CACHD1: variants seen among roughly 807,000 people sequenced by gnomAD.
CACHD1 encodes the protein VWFA and cache domain-containing protein 1.
A neutral mutation model predicts 138.7 loss-of-function variants in CACHD1; 71 were observed. The ratio of observed to expected loss-of-function variants is 0.51; its 90% CI spans 0.42 to 0.62. The LOEUF is 0.62. Among genes scored for constraint, CACHD1 ranks in the 20% least tolerant of loss-of-function variants. The pLI is 0.00. For missense variants in CACHD1, 1,389 were observed against 1,625.3 expected, an observed-to-expected ratio of 0.85 and a Z score of 2.50; for synonymous variants, 578 against 591.5, an observed-to-expected ratio of 0.98 and a Z score of 0.33.
At chr1:64,479,423 G>A (rs1014641575) in intron 1 of CACHD1, among the ~76,000 whole-genome samples, 5 of 152,180 alleles carry the variant, frequency 3.3e-5, no homozygotes, top group African/African-American at 1.2e-4. Context: ...TTAGGAGTTG[G>A]TTAGTGAAAG....
chr1:64,516,448 A>G (rs889327595), intron 1 of CACHD1, among the ~76,000 whole-genome samples: 2 of 152,224 alleles, frequency 1.3e-5, no homozygotes, highest in African/African-American at 4.8e-5. Context: ...GTTCATAAAC[A>G]AAACACCCGG....
At chr1:64,686,993 A>G (rs1650391779) in intron 26 of CACHD1, among the ~76,000 whole-genome samples, 1 of 152,222 alleles carries the variant, frequency 6.6e-6, no homozygotes, top group Non-Finnish European at 1.5e-5. Context: ...CTTAGGAACT[A>G]TCAGATAAAT....
intron 1 of CACHD1, among the ~76,000 whole-genome samples, chr1:64,480,598 A>AT (rs906869160): frequency 5.1e-4 from 77 of 150,152 alleles, no homozygotes; most frequent in African/African-American, 9.3e-4. Context: ...ATGTTGTTAG[A>AT]TTTTTTTTTT....
At chr1:64,504,490 T>TA (rs1646356945) in intron 1 of CACHD1, among the ~76,000 whole-genome samples, 1 of 152,222 alleles carries the variant, frequency 6.6e-6, no homozygotes, top group African/African-American at 2.4e-5. Context: ...CTTTTGGGTG[T>TA]ACCAGAATTC....
At chr1:64,545,847 G>T (rs1280240832) in intron 1 of CACHD1, among the ~76,000 whole-genome samples, 1 of 152,096 alleles carries the variant, frequency 6.6e-6, no homozygotes, top group African/African-American at 2.4e-5. Flanking sequence ...CAGAGTGCTT[G>T]GTTACCATGC....
intron 1 of CACHD1, 81 bp from the exon 2 acceptor site, chr1:64,550,513 G>T (rs1345614155): frequency 9.0e-6 from 9 of 997,740 alleles, no homozygotes; most frequent in African/African-American, 1.6e-5. Flanking sequence ...TCTATTTGTT[G>T]TAAACAAATT....
At chr1:64,585,621 A>T (rs1261245947) in intron 3 of CACHD1, among the ~76,000 whole-genome samples, 1 of 152,234 alleles carries the variant, frequency 6.6e-6, no homozygotes, top group Non-Finnish European at 1.5e-5. Context: ...AAACCAAAGC[A>T]GTTCTGAAGG....
At chr1:64,537,227 G>A (rs191235569) in intron 1 of CACHD1, among the ~76,000 whole-genome samples, 1 of 151,224 alleles carries the variant, frequency 6.6e-6, no homozygotes, top group African/African-American at 2.4e-5. Context: ...CGATGATTGC[G>A]TTTTCCCCTC....
At chr1:64,517,097 ATAG>A (rs2100363994) in intron 1 of CACHD1, among the ~76,000 whole-genome samples, 1 of 152,348 alleles carries the variant, frequency 6.6e-6, no homozygotes, top group East Asian at 1.9e-4. Context: ...TGTGTGAGAC[ATAG>A]TAGGTACTGA....
chr1:64,570,735 T>C (rs914377240), intron 2 of CACHD1, among the ~76,000 whole-genome samples: 1 of 152,090 alleles, frequency 6.6e-6, no homozygotes, highest in African/African-American at 2.4e-5. Flanking sequence ...TTCAGGCAAA[T>C]ATCCTCATTC....
At chr1:64,691,212 C>T in intron 26 of CACHD1, 111 bp from the exon 27 acceptor site, 2 of 888,180 alleles carry the variant, frequency 2.3e-6, no homozygotes, top group South Asian at 3.0e-5. Flanking sequence ...GTGTTTGCAC[C>T]TATGTATTGC....
chr1:64,632,803 G>T, intron 6 of CACHD1, 60 bp downstream of exon 6: 1 of 1,578,018 alleles, frequency 6.3e-7, no homozygotes, highest in Non-Finnish European at 8.7e-7. Flanking sequence ...CTTTTTTAAA[G>T]TACTTTATTG....
intron 17 of CACHD1, among the ~76,000 whole-genome samples, chr1:64,672,862 G>A (rs749436458): frequency 1.3e-5 from 2 of 152,074 alleles, no homozygotes; most frequent in Non-Finnish European, 2.9e-5. Flanking sequence ...TTTGCAAAAG[G>A]TCTGAGTCCA....
At chr1:64,557,818 T>C (rs912235519) in intron 2 of CACHD1, among the ~76,000 whole-genome samples, 2 of 151,792 alleles carry the variant, frequency 1.3e-5, no homozygotes, top group Non-Finnish European at 2.9e-5. Context: ...TTATTTATTT[T>C]AACAGAGTCT....
At chr1:64,530,861 ACT>A (rs1646577691) in intron 1 of CACHD1, among the ~76,000 whole-genome samples, 1 of 146,950 alleles carries the variant, frequency 6.8e-6, no homozygotes, top group Admixed American at 6.9e-5. Context: ...ACAGAGCAAG[ACT>A]CTGTCTAAAA....
At chr1:64,616,487 G>A (rs1048620040) in intron 4 of CACHD1, among the ~76,000 whole-genome samples, 4 of 152,172 alleles carry the variant, frequency 2.6e-5, no homozygotes, top group African/African-American at 9.7e-5. Context: ...AAAATGGTAA[G>A]AATTACCCAG....
chr1:64,495,594 T>C (rs1279576092), intron 1 of CACHD1, among the ~76,000 whole-genome samples: 1 of 152,172 alleles, frequency 6.6e-6, no homozygotes, highest in Admixed American at 6.5e-5. Context: ...AACTTTGCCC[T>C]CAGTTCTTGA....
At chr1:64,556,662 A>G (rs1052314440) in intron 2 of CACHD1, among the ~76,000 whole-genome samples, 2 of 116,812 alleles carry the variant, frequency 1.7e-5, no homozygotes, top group Non-Finnish European at 3.7e-5. Context: ...TCTTGGGTAT[A>G]CAGTTTTACT....
rs1650160612 is a variant in CACHD1, at chr1:64,681,192, G to A, written c.3407-66G>A. 2.5e-6 allele frequency: 3 copies of A among 1,192,112 alleles called. No homozygotes were observed. In the Admixed American group the frequency reaches 5.1e-5, roughly 20 times the overall value. The allele number at this position is 1,192,112 out of a possible 1,614,324, so 73.8% of individuals were successfully genotyped here. A position where few individuals can be genotyped will look rare whatever the true frequency, so the allele number is the denominator to read the frequency against. On this transcript the variant is annotated intron_variant, in intron 24 of 26. Coordinates refer to ENST00000651257, the MANE Select transcript of CACHD1 (RefSeq NM_020925.4). ...CCAGCCATCAAACAAGTGCTCAGCA[G>A]GGTATTAAAGCGGGTGATTTTGTTT...
Sources: gnomAD v4.1 joint callset for allele counts (sites outside exome capture counted in the v4.1 genomes callset) on GRCh38, gnomAD v4.1.1 for gene constraint, MANE v1.5 for transcripts, NCBI Gene and HGNC (gene_info 2026-07-23, HGNC 2026-07-21) for gene names.